The following CA6 variants were observed in gnomAD, a reference collection of about 807,000 sequenced individuals.
CA6 encodes carbonic anhydrase 6.
Under a neutral mutation model 35.9 loss-of-function variants are expected in CA6, and 28 were observed. The observed-to-expected ratio is 0.78, with a 90% CI of 0.58 to 1.07. The LOEUF is 1.07. Among genes scored for constraint, CA6 ranks in the 50% least tolerant of loss-of-function variants. CA6 has a pLI of 0.00. For synonymous variants in CA6, 148 were observed against 152.6 expected (o/e 0.97, Z 0.22); for missense variants, 377 against 382.0 (o/e 0.99, Z 0.11).
chr1:8,956,625 G>A (rs1025669219), intron 2 of CA6, among the ~76,000 whole-genome samples: 22 of 151,242 alleles, frequency 1.5e-4, no homozygotes, highest in African/African-American at 4.6e-4. Context: ...GCAAGTCATC[G>A]TGGTGCCACT....
intron 7 of CA6, among the ~76,000 whole-genome samples, chr1:8,973,728 CTTT>C (rs1640173875): frequency 5.7e-5 from 1 of 17,448 alleles, no homozygotes; most frequent in Non-Finnish European, 9.4e-5. Context: ...TTCTTTCTTT[CTTT>C]CTTTCTTTCT....
intron 2 of CA6, among the ~76,000 whole-genome samples, chr1:8,953,635 A>G (rs12568857): frequency 1.0e-4 from 12 of 114,982 alleles, no homozygotes; most frequent in Admixed American, 1.8e-4. Flanking sequence ...CAATCAATCA[A>G]TCAGTCAATC....
intron 6 of CA6, among the ~76,000 whole-genome samples, chr1:8,969,880 G>T (rs1235727058): frequency 6.6e-6 from 1 of 152,158 alleles, no homozygotes; most frequent in African/African-American, 2.4e-5. Flanking sequence ...AATTGTATGT[G>T]CAGCAAAGAT....
intron 2 of CA6, among the ~76,000 whole-genome samples, chr1:8,953,393 G>A (rs922048202): frequency 1.3e-5 from 2 of 152,298 alleles, no homozygotes; most frequent in East Asian, 3.9e-4. Context: ...GGAGGCCAAG[G>A]TGGGAGGATC....
chr1:8,974,701 C>A lies in CA6; in HGVS notation c.924C>A (p.Asn308Lys). Residue 308 changes from asparagine to lysine, a missense_variant, in exon 8 of 8, where the codon AAC (asparagine) becomes AAA (lysine). By Grantham distance (94) the Asn-to-Lys change is moderately conservative. Transcript: ENST00000377443. The part of the protein sequence containing the change: ...EILDYLRRAL[N>K] ...TTGACTACTTAAGAAGAGCATTGAA[C>A]TGAGGAAAGCTAAGAGGAAGATTCA... 1 of 1,583,112 alleles carries A rather than the reference C, an allele frequency of 6.3e-7. No individual in the cohort carries two copies. The highest frequency in any genetic ancestry group is 2.2e-5 in the East Asian group (1 of 44,624).
chr1:8,966,543 T>A (rs1288887987), intron 5 of CA6, among the ~76,000 whole-genome samples: 1 of 152,218 alleles, frequency 6.6e-6, no homozygotes, highest in African/African-American at 2.4e-5. Flanking sequence ...TTTTGGAGGT[T>A]ATATCTTGAA....
chr1:8,962,780 G>T, intron 5 of CA6, 124 bp downstream of exon 5: 1 of 794,038 alleles, frequency 1.3e-6, no homozygotes, highest in Non-Finnish European at 2.2e-6. Flanking sequence ...CCTGCCAAGG[G>T]AGTCCATCCC....
At chr1:8,946,157 C>T (rs1037313872) in intron 1 of CA6, among the ~76,000 whole-genome samples, 192 bp downstream of exon 1, 10 of 152,072 alleles carry the variant, frequency 6.6e-5, no homozygotes, top group African/African-American at 9.7e-5. Flanking sequence ...GCTGCCTTAG[C>T]CTCCCGAGTA....
Position 8,967,758 on chromosome 1 carries a change from G to A in CA6, c.671G>A (p.Cys224Tyr). The A allele has an allele frequency of 1.2e-6, 2 of 1,614,024 alleles. No individual in the cohort carries two copies. The highest frequency in any genetic ancestry group is 1.7e-6 in the Non-Finnish European group (2 of 1,179,994). ...TYHGSLTTPPCTENVHWFVLA... is the reference protein window; with the variant it reads ...TYHGSLTTPPYTENVHWFVLA... ...CATGGCTCACTCACCACGCCTCCCTGCACTGAGAACGTCCACTGGTTTGTG... is the reference window on the plus strand; with the variant it reads ...CATGGCTCACTCACCACGCCTCCCTACACTGAGAACGTCCACTGGTTTGTG... The change falls in exon 6 of 8, where the codon TGC becomes TAC. Residue 224 changes from cysteine to tyrosine, a missense_variant. Physicochemically the swap from Cys to Tyr is radical, Grantham distance 194. Transcript: ENST00000377443.
chr1:8,973,758 TTC>T lies in CA6; in HGVS notation c.845-862_845-861del, dbSNP rs1284070111. ...TTTCTTTCTTTCTTTCTTTCTTTCT[TTC>T]TTTCTTTCTTTCTTTCTTTCTTTCT... On this transcript the variant is annotated intron_variant, in intron 7 of 7. Coordinates refer to ENST00000377443, the MANE Select transcript of CA6 (RefSeq NM_001215.4). Among the ~76,000 whole-genome samples the T allele has an allele frequency of 4.3e-3, 93 of 21,662 alleles. 3 individuals are homozygous for T. The highest frequency in any genetic ancestry group is 0.036 in the African/African-American group (88 of 2,444). The allele number at this position is 21,662 out of a possible 152,430, so 14.2% of individuals were successfully genotyped here.
intron 7 of CA6, among the ~76,000 whole-genome samples, chr1:8,973,764 C>CTT (rs748354107): frequency 0.024 from 543 of 22,438 alleles, 39 homozygotes; most frequent in African/African-American, 0.18. Context: ...TTCTTTCTTT[C>CTT]TTTCTTTCTT....
At chr1:8,946,776 C>G (rs1236080810) in intron 1 of CA6, among the ~76,000 whole-genome samples, 1 of 149,218 alleles carries the variant, frequency 6.7e-6, no homozygotes, top group South Asian at 2.1e-4. Context: ...GATCTGTGGG[C>G]TGCCAAAATG....
intron 7 of CA6, among the ~76,000 whole-genome samples, chr1:8,971,246 G>C (rs1557633782): frequency 6.6e-6 from 1 of 151,774 alleles, no homozygotes; most frequent in Non-Finnish European, 1.5e-5. Flanking sequence ...TGGCTAGAGA[G>C]AGCAGGAGAA....
At chr1:8,973,557 T>C (rs540989327) in intron 7 of CA6, among the ~76,000 whole-genome samples, 25 of 152,204 alleles carry the variant, frequency 1.6e-4, no homozygotes, top group African/African-American at 6.0e-4. Flanking sequence ...AGAATCGCTG[T>C]TTAGGATCGA....
rs578136302 is a variant in CA6 at position 8,970,993 on chromosome 1, C to T, written c.844+12C>T. Reference sequence around the variant, plus strand: ...CTTCCCGAATCAGGGTGAGTGAGACCGACTCTTGATCATGCTCTGCAGTTT... The same window carrying T: ...CTTCCCGAATCAGGGTGAGTGAGACTGACTCTTGATCATGCTCTGCAGTTT... On this transcript the variant is annotated intron_variant, in intron 7 of 7. Transcript: ENST00000377443. 279 of 1,530,294 alleles carry T rather than the reference C, an allele frequency of 1.8e-4. 2 individuals are homozygous for T. The South Asian group carries it at 2.4e-3, about 13-fold the overall frequency. The allele number at this position is 1,530,294 out of a possible 1,614,324, so 94.8% of individuals were successfully genotyped here. A position where few individuals can be genotyped will look rare whatever the true frequency, so the allele number is the denominator to read the frequency against.
intron 7 of CA6, among the ~76,000 whole-genome samples, chr1:8,971,843 C>T (rs531710740): frequency 3.3e-5 from 5 of 152,364 alleles, no homozygotes; most frequent in Admixed American, 6.5e-5. Flanking sequence ...CAGGCTCCAA[C>T]CGTGTCCTTG....
chr1:8,974,116 C>T (rs949098992), intron 7 of CA6, among the ~76,000 whole-genome samples: 6 of 152,094 alleles, frequency 3.9e-5, no homozygotes, highest in Admixed American at 2.6e-4. Context: ...TGAGCCATCG[C>T]GCCTGGCCAG....
Position 8,974,729 on chromosome 1 carries a change from A to G in CA6, c.*25A>G. On this transcript the variant is annotated 3_prime_UTR_variant, in exon 8 of 8. Transcript: ENST00000377443. Reference sequence around the variant, plus strand: ...AGGAAAGCTAAGAGGAAGATTCAATATTAACTAGCTTGAAGCCTGACCTAG... The same window carrying G: ...AGGAAAGCTAAGAGGAAGATTCAATGTTAACTAGCTTGAAGCCTGACCTAG... 1 of 1,473,100 alleles carries G rather than the reference A, an allele frequency of 6.8e-7. No homozygotes were observed. Among genetic ancestry groups the G allele is most frequent in the Non-Finnish European group, 9.3e-7 (1 of 1,072,772 alleles). 91.3% of individuals were successfully genotyped at this position (1,473,100 alleles called of 1,614,324 possible). A position where few individuals can be genotyped will look rare whatever the true frequency, so the allele number is the denominator to read the frequency against.
chr1:8,974,008 A>T (rs1640199791), intron 7 of CA6, among the ~76,000 whole-genome samples: 1 of 151,916 alleles, frequency 6.6e-6, no homozygotes, highest in Non-Finnish European at 1.5e-5. Flanking sequence ...ATTTTTTTGT[A>T]GAGACGGGCT....
Sources: gnomAD v4.1 joint callset for allele counts (sites outside exome capture counted in the v4.1 genomes callset) on GRCh38, gnomAD v4.1.1 for gene constraint, MANE v1.5 for transcripts, NCBI Gene and HGNC (gene_info 2026-07-23, HGNC 2026-07-21) for gene names.